Variants in NUDT7 observed in about 807,000 individuals in gnomAD.
NUDT7 encodes nudix hydrolase 7.
In NUDT7, 19 loss-of-function variants were observed where a neutral mutation model predicts 13.1. The ratio of observed to expected loss-of-function variants is 1.45; its 90% CI spans 1.01 to 2.13. NUDT7 has a LOEUF of 2.13. NUDT7 is among the 30% of genes most tolerant of loss of function. The probability of loss-of-function intolerance (pLI) is 0.00; values close to 1 mark genes in which losing one functional copy is unlikely to be tolerated. For synonymous variants in NUDT7, 132 were observed against 109.7 expected, an observed-to-expected ratio of 1.20 and a Z score of -1.27; for missense variants, 360 against 291.7, an observed-to-expected ratio of 1.23 and a Z score of -1.71.
chr16:77,723,224 G>A (rs761112026), intron 1 of NUDT7, among the ~76,000 whole-genome samples: 41 of 152,102 alleles, frequency 2.7e-4, no homozygotes, highest in Non-Finnish European at 4.7e-4. Flanking sequence ...GTGGTTTCCG[G>A]GTGGTTAAAA....
At chr16:77,724,433 T>C (rs1197697027) in intron 1 of NUDT7, among the ~76,000 whole-genome samples, 1 of 138,884 alleles carries the variant, frequency 7.2e-6, no homozygotes, top group Non-Finnish European at 1.5e-5. Flanking sequence ...AGCTAATTTA[T>C]GCTTTTTTTT....
At chr16:77,737,846 T>A (rs1351066616) in intron 3 of NUDT7, among the ~76,000 whole-genome samples, 3 of 152,072 alleles carry the variant, frequency 2.0e-5, no homozygotes, top group Non-Finnish European at 2.9e-5. Context: ...GTCCCACTGT[T>A]GCCTAACACT....
At chr16:77,725,680 C>T in intron 2 of NUDT7, 96 bp downstream of exon 2, 1 of 1,136,882 alleles carries the variant, frequency 8.8e-7, no homozygotes, top group Non-Finnish European at 1.3e-6. Context: ...CCAAAATTCT[C>T]AAAAGGGCTT....
At chr16:77,732,586 AC>A (rs932318584) in intron 2 of NUDT7, among the ~76,000 whole-genome samples, 2 of 152,132 alleles carry the variant, frequency 1.3e-5, no homozygotes, top group African/African-American at 4.8e-5. Context: ...ACAAATACTT[AC>A]CATTATGTTA....
At chr16:77,723,610 T>TTTTTG (rs10680695) in intron 1 of NUDT7, among the ~76,000 whole-genome samples, 1 of 139,682 alleles carries the variant, frequency 7.2e-6, no homozygotes, top group African/African-American at 2.6e-5. Context: ...TTTTTTTTTT[T>TTTTTG]GAGACAGAGT....
rs1477580641 is a variant in NUDT7, at chr16:77,735,826, A to G, written c.190-2A>G. The stretch of plus-strand genomic sequence containing the variant: ...TTGTAGCGCTGTTCTTTCTATATCC[A>G]GCTAAGAAGGGCCCCTGGAGAAGTT... On this transcript the variant is annotated splice_acceptor_variant, in intron 2 of 3. Coordinates refer to ENST00000268533, the MANE Select transcript of NUDT7 (RefSeq NM_001105663.3). LOFTEE classifies it high-confidence loss of function. 3.1e-6 allele frequency: 5 copies of G among 1,612,640 alleles called. No homozygotes were observed.
In NUDT7 at chr16:77,742,068, G is replaced by GTAGT; in HGVS notation, c.*122_*125dup. Reference sequence around the variant, plus strand: ...GGTGTGAATATTTTTTCTGCAGTATGTAGTTAGAATCCTTGCCTCTTTTCC... The same window carrying GTAGT: ...GGTGTGAATATTTTTTCTGCAGTATGTAGTTAGTTAGAATCCTTGCCTCTTTTCC... On this transcript the variant is annotated 3_prime_UTR_variant, in exon 4 of 4. Transcript: ENST00000268533. 5 of 1,468,480 alleles carry GTAGT rather than the reference G, an allele frequency of 3.4e-6. No individual in the cohort carries two copies. Among genetic ancestry groups the GTAGT allele is most frequent in the Non-Finnish European group, 4.5e-6 (5 of 1,118,822 alleles). 91.0% of individuals were successfully genotyped at this position (1,468,480 alleles called of 1,614,324 possible).
intron 3 of NUDT7, chr16:77,736,744 G>T (rs868401769): frequency 1.5e-4 from 34 of 226,750 alleles, no homozygotes; most frequent in African/African-American, 6.5e-4. Flanking sequence ...GGGATTACAG[G>T]TGTGAACCAC....
chr16:77,736,069 C>A, intron 3 of NUDT7, 83 bp downstream of exon 3: 1 of 1,291,380 alleles, frequency 7.7e-7, no homozygotes, highest in Non-Finnish European at 1.1e-6. Context: ...ATTTTCCAAA[C>A]ATAACCCCAA....
At chr16:77,726,615 T>C (rs2014144979) in intron 2 of NUDT7, among the ~76,000 whole-genome samples, 1 of 151,972 alleles carries the variant, frequency 6.6e-6, no homozygotes, top group Admixed American at 6.6e-5. Flanking sequence ...ACCAACATAG[T>C]GAAACCCCAT....
intron 2 of NUDT7, among the ~76,000 whole-genome samples, chr16:77,734,976 G>C (rs1302295622): frequency 6.6e-6 from 1 of 152,096 alleles, no homozygotes; most frequent in Non-Finnish European, 1.5e-5. Flanking sequence ...ACTTTAAAAT[G>C]GTTACTTTTA....
At chr16:77,727,096 G>A (rs1356574420) in intron 2 of NUDT7, among the ~76,000 whole-genome samples, 2 of 152,094 alleles carry the variant, frequency 1.3e-5, no homozygotes, top group African/African-American at 2.4e-5. Context: ...CTGCCCCTGT[G>A]ATCCAGTCAC....
In NUDT7 at chr16:77,742,201, A is replaced by G; in HGVS notation, c.*251A>G. 1 of 1,004,496 alleles carries G rather than the reference A, an allele frequency of 1.0e-6. No individual in the cohort carries two copies. Among genetic ancestry groups the G allele is most frequent in the Non-Finnish European group, 1.3e-6 (1 of 793,232 alleles). 62.2% of individuals were successfully genotyped at this position (1,004,496 alleles called of 1,614,324 possible). A position where few individuals can be genotyped will look rare whatever the true frequency, so the allele number is the denominator to read the frequency against. On this transcript the variant is annotated 3_prime_UTR_variant, in exon 4 of 4. Transcript: ENST00000268533. ...TATGTTAATAATATTTTTCTTACAC[A>G]TATAATAAAGAATATCTGGCACATA...
chr16:77,735,245 T>G, intron 2 of NUDT7: 2 of 400,130 alleles, frequency 5.0e-6, no homozygotes, highest in Non-Finnish European at 8.8e-6. Flanking sequence ...ACCCCAATAT[T>G]GGACCTGGGG....
At chr16:77,737,474 GTTT>G (rs564292922) in intron 3 of NUDT7, 4,346 of 145,174 alleles carry the variant, frequency 0.03, 78 homozygotes, top group Middle Eastern at 0.06. Flanking sequence ...ACTTTTCATG[GTTT>G]TTTTTTTGTT....
intron 2 of NUDT7, among the ~76,000 whole-genome samples, chr16:77,728,141 G>A (rs1298892108): frequency 6.6e-6 from 1 of 152,128 alleles, no homozygotes; most frequent in South Asian, 2.1e-4. Context: ...GCGCTGGTAG[G>A]AGATTTCCCC....
rs533210619 is a variant in NUDT7, at chr16:77,722,738, G to A, written c.35+121G>A. The A allele has an allele frequency of 2.3e-4, 213 of 915,426 alleles. No individual in the cohort carries two copies. The African/African-American group carries it at 2.9e-3, about 13-fold the overall frequency. The allele number at this position is 915,426 out of a possible 1,614,324, so 56.7% of individuals were successfully genotyped here. ...GCAGCTCCCGCCAGTCCACCTGCGA[G>A]CGCCGGATGGGGGAGCACTCGCCTC... On this transcript the variant is annotated intron_variant, in intron 1 of 3. Transcript: ENST00000268533.
rs759733448 is a variant in NUDT7 at position 77,741,966 on chromosome 16, G to C, written c.*16G>C. The C allele has an allele frequency of 6.4e-7, 1 of 1,559,968 alleles. No individual in the cohort carries two copies. Among genetic ancestry groups the C allele is most frequent in the East Asian group, 2.2e-5 (1 of 44,498 alleles). Reference sequence around the variant, plus strand: ...CAGGTTATGATTTACTAGAGCAAGAGACAAAGAACTATTCACGAGGATTCT... The same window carrying C: ...CAGGTTATGATTTACTAGAGCAAGACACAAAGAACTATTCACGAGGATTCT... On this transcript the variant is annotated 3_prime_UTR_variant, in exon 4 of 4. Coordinates refer to ENST00000268533, the MANE Select transcript of NUDT7 (RefSeq NM_001105663.3).
rs776642067 is a variant in NUDT7, at chr16:77,722,546, C to G, written c.-37C>G. 3.2e-6 allele frequency: 5 copies of G among 1,563,702 alleles called. No individual in the cohort carries two copies. The highest frequency in any genetic ancestry group is 4.8e-5 in the East Asian group (2 of 42,082). On this transcript the variant is annotated 5_prime_UTR_variant, in exon 1 of 4. Transcript: ENST00000268533. ...GCAAGCGCGACCGACCGAGCAGCTC[C>G]GAGGAGTCCGCCCGGAAACAAACAT... is the stretch of plus-strand genomic sequence containing the variant.
Sources: gnomAD v4.1 joint callset for allele counts (sites outside exome capture counted in the v4.1 genomes callset) on GRCh38, gnomAD v4.1.1 for gene constraint, MANE v1.5 for transcripts, NCBI Gene and HGNC (gene_info 2026-07-23, HGNC 2026-07-21) for gene names.